The following OOSP1 variants were observed in gnomAD, a reference collection of about 807,000 sequenced individuals.
The protein encoded by OOSP1 is putative oocyte-secreted protein 1 homolog.
Under a neutral mutation model 5.7 loss-of-function variants are expected in OOSP1, and 11 were observed. That is an observed-to-expected ratio of 1.94 (90% CI 1.22 to 3.20). The LOEUF is 3.20. OOSP1 is among the 30% of genes most tolerant of loss of function. OOSP1 has a pLI of 0.00. For synonymous variants in OOSP1, 44 were observed against 20.0 expected (o/e 2.20, Z -3.20); for missense variants, 83 against 54.1 (o/e 1.53, Z -1.67).
chr11:59,950,238 T>G (rs376624296), intron 4 of OOSP1, among the ~76,000 whole-genome samples: 24 of 152,290 alleles, frequency 1.6e-4, no homozygotes, highest in East Asian at 1.2e-3. Context: ...GGAAACCTTA[T>G]TTTGAAAATG....
chr11:59,943,104 C>T, intron 2 of OOSP1, 76 bp downstream of exon 2: 2 of 640,294 alleles, frequency 3.1e-6, no homozygotes, highest in Non-Finnish European at 5.7e-6. Flanking sequence ...CATGTGTTCT[C>T]ATTGCTCAAT....
rs116374235 is a variant in OOSP1, at chr11:59,948,175, G to C, written c.486+313G>C. Among the ~76,000 whole-genome samples the C allele has an allele frequency of 6.1e-3, 930 of 152,208 alleles. 10 individuals carry two copies. The highest frequency in any genetic ancestry group is 0.021 in the African/African-American group (876 of 41,514). On this transcript the variant is annotated intron_variant, in intron 4 of 4. Transcript: ENST00000646685. Reference sequence around the variant, plus strand: ...TCAATTTCAATATCAATAAAGTTCTGAATTGTAATAAATGAGTATTAACAC... The same window carrying C: ...TCAATTTCAATATCAATAAAGTTCTCAATTGTAATAAATGAGTATTAACAC...
At chr11:59,939,345 G>A (rs1301657844) in intron 1 of OOSP1, among the ~76,000 whole-genome samples, 3 of 151,166 alleles carry the variant, frequency 2.0e-5, no homozygotes, top group Non-Finnish European at 4.4e-5. Context: ...TCTGCCTCCC[G>A]GGTTCATGTG....
chr11:59,946,836 T>A (rs1169231671), intron 3 of OOSP1, among the ~76,000 whole-genome samples: 1 of 151,758 alleles, frequency 6.6e-6, no homozygotes, highest in Admixed American at 6.6e-5. Flanking sequence ...CTTTTTTTTT[T>A]TTTTTATTAA....
chr11:59,945,558 G>A (rs989315316), intron 3 of OOSP1, among the ~76,000 whole-genome samples: 10 of 151,104 alleles, frequency 6.6e-5, no homozygotes, highest in African/African-American at 1.2e-4. Flanking sequence ...TGGCTAACAC[G>A]GTGAAACCCT....
At chr11:59,953,627 T>A (rs1853961612) in intron 4 of OOSP1, among the ~76,000 whole-genome samples, 1 of 152,184 alleles carries the variant, frequency 6.6e-6, no homozygotes, top group Admixed American at 6.6e-5. Flanking sequence ...ACCCTACAAC[T>A]GATGGTGGCA....
intron 1 of OOSP1, 146 bp from the exon 2 acceptor site, chr11:59,942,701 C>A: frequency 1.8e-6 from 1 of 566,344 alleles, no homozygotes; most frequent in Admixed American, 3.2e-5. Flanking sequence ...ATTCAGAGAC[C>A]ATGTTTTGCA....
At chr11:59,948,053 G>A (rs897957484) in intron 4 of OOSP1, among the ~76,000 whole-genome samples, 191 bp downstream of exon 4, 1 of 152,146 alleles carries the variant, frequency 6.6e-6, no homozygotes, top group Non-Finnish European at 1.5e-5. Context: ...TGGTGGTCTT[G>A]ATAATCTGTT....
At chr11:59,939,238 C>A (rs1182304722) in intron 1 of OOSP1, among the ~76,000 whole-genome samples, 1 of 150,860 alleles carries the variant, frequency 6.6e-6, no homozygotes, top group African/African-American at 2.4e-5. Flanking sequence ...CTTCCTTCCT[C>A]CTTTCCTTCT....
chr11:59,957,480 G>A (rs946237765), exon 5 of OOSP1: 4 of 347,642 alleles, frequency 1.2e-5, no homozygotes, highest in Non-Finnish European at 2.1e-5. Flanking sequence ...TTCTGAAAAC[G>A]AGCTGAAGGG....
chr11:59,940,037 G>A (rs543698356), intron 1 of OOSP1, among the ~76,000 whole-genome samples: 2 of 152,364 alleles, frequency 1.3e-5, no homozygotes, highest in African/African-American at 4.8e-5. Flanking sequence ...ACTGCTTCCT[G>A]CCTGGGCTGT....
chr11:59,954,374 A>C (rs651919), intron 4 of OOSP1, among the ~76,000 whole-genome samples: 92 of 151,998 alleles, frequency 6.1e-4, no homozygotes, highest in Non-Finnish European at 1.5e-4. Flanking sequence ...TATTCTAATA[A>C]ATTTTTTTTT....
intron 4 of OOSP1, among the ~76,000 whole-genome samples, chr11:59,954,066 G>A (rs1010616077): frequency 6.6e-6 from 1 of 152,186 alleles, no homozygotes; most frequent in Non-Finnish European, 1.5e-5. Flanking sequence ...AACCTGAACA[G>A]CATGTTACTG....
chr11:59,951,260 G>A (rs534724293), intron 4 of OOSP1, among the ~76,000 whole-genome samples: 35 of 151,628 alleles, frequency 2.3e-4, no homozygotes, highest in Non-Finnish European at 5.0e-4. Context: ...AAAAAACATG[G>A]CATGAAATTA....
At chr11:59,948,491 C>T (rs537376338) in intron 4 of OOSP1, among the ~76,000 whole-genome samples, 48 of 152,312 alleles carry the variant, frequency 3.2e-4, no homozygotes, top group African/African-American at 1.0e-3. Context: ...TTCACTTATA[C>T]ACACATCACA....
At chr11:59,954,126 C>T (rs1179678014) in intron 4 of OOSP1, among the ~76,000 whole-genome samples, 1 of 152,152 alleles carries the variant, frequency 6.6e-6, no homozygotes, top group African/African-American at 2.4e-5. Flanking sequence ...TGTATCAAAA[C>T]ATATGTAAAC....
intron 4 of OOSP1, among the ~76,000 whole-genome samples, chr11:59,955,739 C>T (rs1240934027): frequency 6.6e-6 from 1 of 152,076 alleles, no homozygotes; most frequent in Non-Finnish European, 1.5e-5. Flanking sequence ...TCAAGCAATC[C>T]TCCCACTTCT....
At chr11:59,951,302 C>A (rs1205504710) in intron 4 of OOSP1, among the ~76,000 whole-genome samples, 1 of 151,830 alleles carries the variant, frequency 6.6e-6, no homozygotes, top group Non-Finnish European at 1.5e-5. Flanking sequence ...CTACCATAGA[C>A]CTGAAAAAGA....
chr11:59,952,656 G>A (rs545315725), intron 4 of OOSP1, among the ~76,000 whole-genome samples: 2 of 152,196 alleles, frequency 1.3e-5, no homozygotes, highest in Admixed American at 1.3e-4. Context: ...TGGGAGGGGT[G>A]CTAGGAATAA....
Sources: allele counts gnomAD v4.1 joint callset (sites outside exome capture counted in the v4.1 genomes callset), GRCh38; gene constraint gnomAD v4.1.1; transcripts MANE v1.5; gene names NCBI Gene and HGNC (gene_info 2026-07-23, HGNC 2026-07-21).